Variants in AVEN observed in about 807,000 individuals in gnomAD.
AVEN encodes the protein apoptosis and caspase activation inhibitor, also known as cell death regulator Aven.
A neutral mutation model predicts 38.1 loss-of-function variants in AVEN; 41 were observed. That is an observed-to-expected ratio of 1.08 (90% confidence interval 0.84 to 1.40). The LOEUF is 1.40. Among genes scored for constraint, AVEN ranks in the 40% most tolerant of loss-of-function variants. The pLI is 0.00. For synonymous variants in AVEN, 206 were observed against 171.8 expected, an observed-to-expected ratio of 1.20 and a Z score of -1.56; for missense variants, 605 against 438.8, an observed-to-expected ratio of 1.38 and a Z score of -3.38.
chr15:34,031,450 C>T (rs1313885372), intron 1 of AVEN, among the ~76,000 whole-genome samples: 2 of 152,220 alleles, frequency 1.3e-5, no homozygotes, highest in African/African-American at 4.8e-5. Flanking sequence ...GCTGGGATTA[C>T]GGGCATGAGC....
intron 2 of AVEN, among the ~76,000 whole-genome samples, chr15:33,891,429 G>C (rs1362160612): frequency 6.6e-6 from 1 of 151,968 alleles, no homozygotes; most frequent in African/African-American, 2.4e-5. Context: ...TCCCCTCCCT[G>C]TCTGTGTCCA....
chr15:34,041,156 A>T (rs1899460358), upstream of AVEN, among the ~76,000 whole-genome samples: 2 of 152,098 alleles, frequency 1.3e-5, no homozygotes, highest in African/African-American at 4.8e-5. Context: ...AATATTTAAT[A>T]GCATCCCTGG....
chr15:33,985,737 C>A (rs1291923007), intron 2 of AVEN, among the ~76,000 whole-genome samples: 3 of 152,112 alleles, frequency 2.0e-5, no homozygotes, highest in Admixed American at 6.5e-5. Context: ...AGCTAGAAAT[C>A]TTGAGTTTGA....
intron 2 of AVEN, among the ~76,000 whole-genome samples, chr15:33,934,448 T>TA (rs1893985642): frequency 6.6e-6 from 1 of 152,176 alleles, no homozygotes; most frequent in South Asian, 2.1e-4. Flanking sequence ...GGAGGGGAAA[T>TA]ATCACACAAA....
chr15:34,009,011 GA>G (rs1384759401), intron 1 of AVEN, among the ~76,000 whole-genome samples: 1 of 149,524 alleles, frequency 6.7e-6, no homozygotes, highest in Non-Finnish European at 1.5e-5. Context: ...CAAGAAAAAG[GA>G]AAAACCAACT....
At position 33,890,240 on chromosome 15, in the gene AVEN, G is replaced by C. The variant is rs373640121; in HGVS notation, c.446-14245C>G. Among the ~76,000 whole-genome samples the C allele has an allele frequency of 2.0e-5, 3 of 152,232 alleles. No individual in the cohort carries two copies. In the East Asian group the frequency reaches 5.8e-4, roughly 29 times the overall value. Reference sequence around the variant, plus strand: ...TCGATGCTGCCTAGCTCCACACAAAGCCAACATGATTTCTGCAATGTACAC... The same window carrying C: ...TCGATGCTGCCTAGCTCCACACAAACCCAACATGATTTCTGCAATGTACAC... On this transcript the variant is annotated intron_variant, in intron 2 of 5. Coordinates refer to ENST00000306730, the MANE Select transcript of AVEN (RefSeq NM_020371.3).
At position 33,866,310 on chromosome 15, in the gene AVEN, G is replaced by A. The variant is rs766971701; in HGVS notation, c.*303C>T. On this transcript the variant is annotated 3_prime_UTR_variant, in exon 6 of 6. Transcript: ENST00000306730. ...CTTAATCAGCAGCAGCATCTGCTAT[G>A]CTGTAAACACTGGCTATGTTGTAAA... 3 of 376,350 alleles carry A rather than the reference G, an allele frequency of 8.0e-6. No individual in the cohort carries two copies. Among genetic ancestry groups the A allele is most frequent in the African/African-American group, 4.1e-5 (2 of 49,066 alleles). The allele number at this position is 376,350 out of a possible 1,614,324, so 23.3% of individuals were successfully genotyped here. A position where few individuals can be genotyped will look rare whatever the true frequency, so the allele number is the denominator to read the frequency against.
intron 2 of AVEN, among the ~76,000 whole-genome samples, chr15:33,930,694 G>A (rs961088345): frequency 7.2e-5 from 11 of 152,138 alleles, no homozygotes; most frequent in Admixed American, 2.0e-4. Context: ...GGTGGCTCAC[G>A]CCTGTAATCC....
intron 2 of AVEN, among the ~76,000 whole-genome samples, chr15:33,893,037 T>C (rs1382415121): frequency 2.6e-5 from 4 of 152,236 alleles, no homozygotes; most frequent in Non-Finnish European, 5.9e-5. Context: ...TATTGGTATA[T>C]AGGAATGCCT....
chr15:34,051,317 A>G (rs1002616934), intron 5 of AVEN, among the ~76,000 whole-genome samples: 7 of 152,310 alleles, frequency 4.6e-5, no homozygotes, highest in Admixed American at 3.9e-4. Flanking sequence ...CAAAGTACCA[A>G]AATTTCTGGG....
downstream of AVEN, chr15:33,854,513 A>G (rs914443535): frequency 1.8e-5 from 24 of 1,360,700 alleles, no homozygotes; most frequent in African/African-American, 5.9e-5. Flanking sequence ...CAGAGAAGCA[A>G]GCTATGCAGG....
At chr15:34,074,494 C>T (rs1279921654) in exon 1 of AVEN, among the ~76,000 whole-genome samples, 1 of 152,098 alleles carries the variant, frequency 6.6e-6, no homozygotes, top group Non-Finnish European at 1.5e-5. Flanking sequence ...GGCCATGATC[C>T]CTCTGAAGGA....
rs182078329 is a variant in AVEN at position 33,894,684 on chromosome 15, C to T, written c.446-18689G>A. Among the ~76,000 whole-genome samples the T allele has an allele frequency of 5.9e-5, 8 of 134,960 alleles. No individual in the cohort carries two copies. The East Asian group carries it at 1.4e-3, about 23-fold the overall frequency. The allele number at this position is 134,960 out of a possible 152,430, so 88.5% of individuals were successfully genotyped here. On this transcript the variant is annotated intron_variant, in intron 2 of 5. Coordinates refer to ENST00000306730, the MANE Select transcript of AVEN (RefSeq NM_020371.3). ...AATTAGGTGGGCATGGCAGCGTGTACCTGTAGTCCCAGCTACTCAGCAGGC... is the reference window on the plus strand; with the variant it reads ...AATTAGGTGGGCATGGCAGCGTGTATCTGTAGTCCCAGCTACTCAGCAGGC...
intron 2 of AVEN, among the ~76,000 whole-genome samples, chr15:33,936,517 T>G (rs1019621524): frequency 5.9e-5 from 9 of 152,358 alleles, no homozygotes; most frequent in Admixed American, 2.0e-4. Flanking sequence ...AAATTTGCCA[T>G]GATCATGGCT....
At chr15:33,860,086 C>T (rs1226058323) in intron 11 of AVEN, among the ~76,000 whole-genome samples, 1 of 151,684 alleles carries the variant, frequency 6.6e-6, no homozygotes, top group Middle Eastern at 3.4e-3. Flanking sequence ...AGGAGCTGGA[C>T]AGTGCAGGGG....
At chr15:33,972,459 G>A (rs1412104864) in intron 2 of AVEN, 1 of 152,072 alleles carries the variant, frequency 6.6e-6, no homozygotes, top group African/African-American at 2.4e-5. Flanking sequence ...ATGAGGGCAG[G>A]GAGGGGGCTG....
chr15:33,863,616 A>G (rs1889329939), downstream of AVEN, among the ~76,000 whole-genome samples: 1 of 152,222 alleles, frequency 6.6e-6, no homozygotes, highest in South Asian at 2.1e-4. Context: ...TCACAGAGCA[A>G]GTGAAACTAC....
chr15:33,879,290 A>C (rs1211072492), intron 2 of AVEN, among the ~76,000 whole-genome samples: 6 of 151,350 alleles, frequency 4.0e-5, no homozygotes, highest in Non-Finnish European at 8.8e-5. Context: ...TTCTCAGTAA[A>C]CTATCGCAAG....
In AVEN at chr15:33,895,704, G is replaced by T. The variant is rs1411578987; in HGVS notation, c.446-19709C>A. Among the ~76,000 whole-genome samples the T allele has an allele frequency of 3.9e-5, 6 of 152,070 alleles. No individual in the cohort carries two copies. In the East Asian group the frequency reaches 5.8e-4, roughly 15 times the overall value. ...CTACCTCCAATATAGTATTCTGAAG[G>T]CCCCACCAACTCCACCAGATAAATA... On this transcript the variant is annotated intron_variant, in intron 2 of 5. Coordinates refer to ENST00000306730, the MANE Select transcript of AVEN (RefSeq NM_020371.3).
Sources: allele counts gnomAD v4.1 joint callset (sites outside exome capture counted in the v4.1 genomes callset), GRCh38; gene constraint gnomAD v4.1.1; transcripts MANE v1.5; gene names NCBI Gene and HGNC (gene_info 2026-07-23, HGNC 2026-07-21).